The following UBE4A variants were observed in gnomAD, a reference collection of about 807,000 sequenced individuals.
UBE4A encodes ubiquitin conjugation factor E4 A.
UBE4A carries 48 observed loss-of-function variants against 117.9 expected under a neutral mutation model. The ratio of observed to expected loss-of-function variants is 0.41; its 90% CI spans 0.32 to 0.52. The LOEUF is 0.52. Among genes scored for constraint, UBE4A ranks in the 20% least tolerant of loss-of-function variants. UBE4A has a pLI of 0.33. For missense variants in UBE4A, 1,067 were observed against 1,296.3 expected, an observed-to-expected ratio of 0.82 and a Z score of 2.72; for synonymous variants, 407 against 450.0, an observed-to-expected ratio of 0.90 and a Z score of 1.21.
chr11:118,393,479 T>G (rs574716930), intron 19 of UBE4A, among the ~76,000 whole-genome samples: 82 of 152,116 alleles, frequency 5.4e-4, no homozygotes, highest in African/African-American at 2.0e-3. Flanking sequence ...TTGTATTTTT[T>G]GTAGAGACAG....
Position 118,373,531 on chromosome 11 carries a change from A to G in UBE4A, c.962A>G (p.Asn321Ser), listed in dbSNP as rs1948626547. The G allele has an allele frequency of 1.9e-6, 3 of 1,614,142 alleles. No individual in the cohort carries two copies. Among genetic ancestry groups the G allele is most frequent in the African/African-American group, 2.7e-5 (2 of 75,046 alleles). ...VEYIQPKDPT[N>S]GQMYQKTLLG... The stretch of plus-strand genomic sequence containing the variant: ...TACATTCAGCCCAAGGACCCTACCA[A>G]TGGGCAAATGTACCAGAAGACCTTG... The change falls in exon 8 of 20, where the codon AAT (asparagine) becomes AGT (serine). Residue 321 changes from asparagine to serine, a missense_variant. Around this residue, in one of 3 missense-constraint regions of UBE4A, gnomAD observed 1,001 missense variants for 1,184.0 expected, o/e 0.85. Transcript: ENST00000252108.
chr11:118,373,741 A>G, intron 8 of UBE4A, 56 bp downstream of exon 8: 1 of 1,554,564 alleles, frequency 6.4e-7, no homozygotes. Context: ...GTTTTCTCAG[A>G]AAGCAGATAC....
At chr11:118,376,284 G>A (rs1159452279) in intron 9 of UBE4A, among the ~76,000 whole-genome samples, 3 of 152,144 alleles carry the variant, frequency 2.0e-5, no homozygotes, top group Non-Finnish European at 4.4e-5. Flanking sequence ...CTGCTCAAAA[G>A]CAAATAATCA....
At chr11:118,379,896 C>T in intron 11 of UBE4A, 146 bp downstream of exon 11, 1 of 992,656 alleles carries the variant, frequency 1.0e-6, no homozygotes, top group South Asian at 1.8e-5. Context: ...ATAATATCTA[C>T]TGGTCAAAGT....
rs1555127291 is a variant in UBE4A, at chr11:118,386,589, G to T, written c.2564G>T (p.Gly855Val). 6.3e-7 allele frequency: 1 copy of T among 1,580,092 alleles called. No homozygotes were observed. Among genetic ancestry groups the T allele is most frequent in the East Asian group, 2.4e-5 (1 of 42,322 alleles). ...FHNIMSNETIGTLAFLTSEIK... is the reference protein window; with the variant it reads ...FHNIMSNETIVTLAFLTSEIK... ...AACATCATGTCCAATGAAACAATCG[G>T]TACCCTTGCCTTTCTCACATCAGGT... The change falls in exon 16 of 20, where the codon GGT (glycine) becomes GTT (valine). Residue 855 changes from glycine to valine, a missense_variant. Physicochemically the swap from Gly to Val is moderately radical, Grantham distance 109 (BLOSUM62 -3). Transcript: ENST00000252108.
intron 18 of UBE4A, among the ~76,000 whole-genome samples, chr11:118,391,453 A>C (rs1555128452): frequency 6.1e-5 from 9 of 148,418 alleles, no homozygotes; most frequent in South Asian, 4.3e-4. Flanking sequence ...ACTGCACTCC[A>C]GCCTGGGCAA....
intron 19 of UBE4A, among the ~76,000 whole-genome samples, 158 bp from the exon 20 acceptor site, chr11:118,396,156 T>C (rs1555129658): frequency 6.6e-6 from 1 of 152,066 alleles, no homozygotes; most frequent in Non-Finnish European, 1.5e-5. Flanking sequence ...CTGAATCATC[T>C]TGTTCTCACT....
chr11:118,378,372 A>C (rs1948672124), intron 10 of UBE4A: 1 of 152,232 alleles, frequency 6.6e-6, no homozygotes, highest in Non-Finnish European at 1.5e-5. Flanking sequence ...CACAAAAGAC[A>C]TTAGATAAAG....
intron 9 of UBE4A, among the ~76,000 whole-genome samples, 190 bp downstream of exon 9, chr11:118,375,419 A>G (rs1302891652): frequency 2.0e-5 from 3 of 151,582 alleles, no homozygotes; most frequent in Non-Finnish European, 4.4e-5. Context: ...TAGTGCAGTG[A>G]CGCTATCTTG....
intron 4 of UBE4A, 46 bp from the exon 5 acceptor site, chr11:118,371,468 A>T: frequency 6.4e-7 from 1 of 1,567,246 alleles, no homozygotes; most frequent in Non-Finnish European, 8.7e-7. Context: ...ATGTTCTCAG[A>T]TTAATTTTGC....
chr11:118,379,803 T>G, intron 11 of UBE4A, 53 bp downstream of exon 11: 1 of 1,542,088 alleles, frequency 6.5e-7, no homozygotes, highest in Non-Finnish European at 8.8e-7. Flanking sequence ...TGAGTTTAAG[T>G]GGGTCACTTT....
At chr11:118,376,914 A>G (rs561411902) in intron 10 of UBE4A, among the ~76,000 whole-genome samples, 41 of 152,090 alleles carry the variant, frequency 2.7e-4, no homozygotes, top group Non-Finnish European at 5.3e-4. Context: ...TTAGCCAGGC[A>G]TGGTGGCATA....
At chr11:118,390,476 TAATA>T (rs200488110) in intron 17 of UBE4A, among the ~76,000 whole-genome samples, 177 bp from the exon 18 acceptor site, 361 of 146,068 alleles carry the variant, frequency 2.5e-3, no homozygotes, top group Admixed American at 5.0e-3. Context: ...TTATTATAAA[TAATA>T]AATAATAAAA....
intron 18 of UBE4A, 32 bp downstream of exon 18, chr11:118,390,836 C>T (rs370367170): frequency 5.4e-5 from 87 of 1,603,456 alleles, no homozygotes; most frequent in Non-Finnish European, 6.6e-5. Context: ...TTGCTGATTT[C>T]ATTAAGAACC....
intron 10 of UBE4A, among the ~76,000 whole-genome samples, chr11:118,378,057 C>T (rs1380656535): frequency 1.3e-5 from 2 of 151,962 alleles, no homozygotes; most frequent in Non-Finnish European, 2.9e-5. Flanking sequence ...ACCGTCCTAG[C>T]TAACATGGTG....
intron 19 of UBE4A, among the ~76,000 whole-genome samples, chr11:118,393,627 G>A (rs937307757): frequency 5.3e-5 from 8 of 151,012 alleles, no homozygotes; most frequent in South Asian, 2.1e-4. Context: ...ACAGAGTCTC[G>A]CTCTGTCACC....
chr11:118,371,759 A>C (rs1948611958), intron 5 of UBE4A, 93 bp downstream of exon 5: 13 of 1,336,680 alleles, frequency 9.7e-6, no homozygotes, highest in Non-Finnish European at 1.1e-5. Context: ...ATTTCAATTT[A>C]TATATGTCAT....
At chr11:118,385,640 T>G (rs781841622) in intron 15 of UBE4A, among the ~76,000 whole-genome samples, 1 of 152,154 alleles carries the variant, frequency 6.6e-6, no homozygotes, top group Non-Finnish European at 1.5e-5. Flanking sequence ...CCCTTACCTG[T>G]GATGGGTATA....
chr11:118,376,549 C>CT (rs201730995), intron 9 of UBE4A, 25 bp from the exon 10 acceptor site: 140,042 of 1,254,500 alleles, frequency 0.11, 679 homozygotes, highest in Non-Finnish European at 0.12. Flanking sequence ...CATTTACCCT[C>CT]TTTTTTTTTT....
Sources: gnomAD v4.1 joint callset for allele counts (sites outside exome capture counted in the v4.1 genomes callset) on GRCh38, gnomAD v4.1.1 for gene constraint, gnomAD v4.1.1 regional missense constraint, MANE v1.5 for transcripts, NCBI Gene and HGNC (gene_info 2026-07-23, HGNC 2026-07-21) for gene names.